Variants in ECE1 observed in about 807,000 individuals in gnomAD.
ECE1 encodes the protein endothelin converting enzyme 1.
In ECE1, 35 loss-of-function variants were observed where a neutral mutation model predicts 98.6. The observed-to-expected ratio is 0.35, with a 90% confidence interval of 0.27 to 0.47. ECE1 has a LOEUF of 0.47. Among genes scored for constraint, ECE1 ranks in the 20% least tolerant of loss-of-function variants. The pLI is 1.00. For synonymous variants in ECE1, 394 were observed against 407.1 expected, an observed-to-expected ratio of 0.97 and a Z score of 0.39; for missense variants, 814 against 1,025.3, an observed-to-expected ratio of 0.79 and a Z score of 2.81.
intron 8 of ECE1, among the ~76,000 whole-genome samples, chr1:21,248,254 T>TCTG (rs1181894820): frequency 1.3e-5 from 2 of 151,836 alleles, no homozygotes; most frequent in African/African-American, 2.4e-5. Context: ...CACTGTAACC[T>TCTG]CTGCCTCCAG....
chr1:21,257,578 C>A lies in ECE1; in HGVS notation c.775G>T (p.Gly259Cys). The A allele has an allele frequency of 1.2e-6, 2 of 1,614,260 alleles. No homozygotes were observed. Among genetic ancestry groups the A allele is most frequent in the East Asian group, 4.5e-5 (2 of 44,882 alleles). ...NSNVIQVDQS[G>C]LGLPSRDYYL... ...TAGTCTCTCGAGGGCAAGCCCAGGC[C>A]AGACTGGTCCACCTGGCAAGAGAAG... Residue 259 changes from glycine to cysteine, a missense_variant, in exon 7 of 19, where the codon GGC becomes TGC. Around this residue, in one of 3 missense-constraint regions of ECE1, gnomAD observed 105 missense variants for 179.1 expected, o/e 0.59. Transcript: ENST00000374893.
intron 1 of ECE1, among the ~76,000 whole-genome samples, chr1:21,295,639 G>A (rs566214539): frequency 4.6e-5 from 7 of 152,130 alleles, no homozygotes; most frequent in South Asian, 2.1e-4. Flanking sequence ...TCAGAAACTC[G>A]CCTATGGGCA....
chr1:21,327,113 C>T lies in ECE1; in HGVS notation c.3+18263G>A, dbSNP rs1378614998. Among the ~76,000 whole-genome samples the T allele has an allele frequency of 6.6e-6, 1 of 152,182 alleles. No homozygotes were observed. The highest frequency in any genetic ancestry group is 2.4e-5 in the African/African-American group (1 of 41,448). On this transcript the variant is annotated intron_variant, in intron 1 of 18. Coordinates refer to the ECE1 transcript ENST00000415912. The surrounding 1 kb of genome is among the most constrained non-coding windows in gnomAD (Gnocchi z 4.6). ...TGTAGATGCTTCAAAGCACCCCACT[C>T]CCTTGAAGCTGCCAGACTCTGCAGG... is the stretch of plus-strand genomic sequence containing the variant.
intron 9 of ECE1, 91 bp from the exon 10 acceptor site, chr1:21,245,194 C>T: frequency 8.5e-7 from 1 of 1,183,404 alleles, no homozygotes; most frequent in Non-Finnish European, 1.2e-6. Flanking sequence ...GGCTCTCAAA[C>T]TTGGCCTGTG....
At chr1:21,300,642 G>T (rs1020525489) in intron 1 of ECE1, among the ~76,000 whole-genome samples, 1 of 152,090 alleles carries the variant, frequency 6.6e-6, no homozygotes, top group Admixed American at 6.5e-5. Flanking sequence ...TGCCATGTTG[G>T]CCAGGCTGGT....
Position 21,258,042 on chromosome 1 carries a change from G to A in ECE1, c.763-452C>T, listed in dbSNP as rs1275550235. ...GATTCAAGAAGACAGTGCTGGTCAA[G>A]TGCCTGCCAAGCAGGAGGGGAGGGT... is the stretch of plus-strand genomic sequence containing the variant. On this transcript the variant is annotated intron_variant, in intron 6 of 18. Transcript: ENST00000374893. The surrounding 1 kb of genome is among the most constrained non-coding windows in gnomAD (Gnocchi z 4.2). Among the ~76,000 whole-genome samples, 2 of 152,212 alleles carry A rather than the reference G, an allele frequency of 1.3e-5. No individual in the cohort carries two copies. The highest frequency in any genetic ancestry group is 4.8e-5 in the African/African-American group (2 of 41,452).
chr1:21,291,812 G>A (rs1569679133), upstream of ECE1, among the ~76,000 whole-genome samples: 1 of 151,936 alleles, frequency 6.6e-6, no homozygotes, highest in South Asian at 2.1e-4. Context: ...GGGTGACAGA[G>A]TGAGACTCCA....
Position 21,233,071 on chromosome 1 carries a change from C to T in ECE1, c.1670+487G>A, listed in dbSNP as rs1427364792. The T allele has an allele frequency of 1.2e-5, 2 of 167,398 alleles. No homozygotes were observed. The highest frequency in any genetic ancestry group is 2.4e-5 in the African/African-American group (1 of 41,708). 10.4% of individuals were successfully genotyped at this position (167,398 alleles called of 1,614,324 possible). A position where few individuals can be genotyped will look rare whatever the true frequency, so the allele number is the denominator to read the frequency against. Reference sequence around the variant, plus strand: ...CTGTCAAGCCCATCCAGAACCTTCCCCAGGCCTCTGTGGGCTCCCTGTCCT... The same window carrying T: ...CTGTCAAGCCCATCCAGAACCTTCCTCAGGCCTCTGTGGGCTCCCTGTCCT... On this transcript the variant is annotated intron_variant, in intron 14 of 18. Transcript: ENST00000374893. The surrounding 1 kb of genome is among the most constrained non-coding windows in gnomAD (Gnocchi z 4.0).
intron 1 of ECE1, among the ~76,000 whole-genome samples, chr1:21,310,802 G>A (rs750193839): frequency 7.2e-5 from 11 of 152,112 alleles, no homozygotes; most frequent in South Asian, 2.1e-4. Flanking sequence ...TACTTTTGAC[G>A]AACGAAGAAA....
chr1:21,248,864 C>G (rs2098207995), intron 8 of ECE1, among the ~76,000 whole-genome samples: 1 of 151,542 alleles, frequency 6.6e-6, no homozygotes, highest in African/African-American at 2.4e-5. Flanking sequence ...ACCTCATGAT[C>G]TGCCTGCCTC....
chr1:21,316,460 G>C (rs962415117), intron 1 of ECE1, among the ~76,000 whole-genome samples: 10 of 152,020 alleles, frequency 6.6e-5, no homozygotes, highest in Admixed American at 5.2e-4. Flanking sequence ...TTTTAGTAGA[G>C]ATGGGGTTTC....
intron 1 of ECE1, among the ~76,000 whole-genome samples, chr1:21,329,856 T>C (rs1558435885): frequency 6.6e-6 from 1 of 152,138 alleles, no homozygotes; most frequent in Non-Finnish European, 1.5e-5. Flanking sequence ...AAGCAGGAAT[T>C]GGATGGGAAA....
intron 1 of ECE1, among the ~76,000 whole-genome samples, chr1:21,320,420 T>TTA (rs5772942): frequency 7.4e-6 from 1 of 135,650 alleles, no homozygotes; most frequent in African/African-American, 3.3e-5. Flanking sequence ...ATAAGCTTTT[T>TTA]AAAAAAAATT....
At chr1:21,293,988 A>C (rs1638279102), upstream of ECE1, 1 of 152,406 alleles carries the variant, frequency 6.6e-6, no homozygotes, top group Non-Finnish European at 1.5e-5. Flanking sequence ...GAGATGACCA[A>C]GGGTCAGAGA....
intron 3 of ECE1, among the ~76,000 whole-genome samples, chr1:21,273,346 CGTGTGTGTGT>C (rs60168069): frequency 9.5e-4 from 126 of 133,156 alleles, no homozygotes; most frequent in African/African-American, 2.8e-3. Context: ...TGCGTGTGTG[CGTGTGTGTGT>C]GTGTGTGTGT....
chr1:21,266,624 C>T (rs212540), intron 4 of ECE1: 103,705 of 152,138 alleles, frequency 0.68, 36,333 homozygotes, highest in East Asian at 0.9. Context: ...GCAGAGCTAG[C>T]GGGTAGCATG....
intron 4 of ECE1, among the ~76,000 whole-genome samples, chr1:21,265,279 C>A (rs1274194902): frequency 1.3e-5 from 2 of 152,166 alleles, no homozygotes; most frequent in Non-Finnish European, 2.9e-5. Flanking sequence ...TGTCTGTAAT[C>A]CCAGCACTTT....
intron 1 of ECE1, chr1:21,299,063 G>T: frequency 2.8e-6 from 1 of 354,124 alleles, no homozygotes; most frequent in South Asian, 2.1e-5. Context: ...CTCTGACAAT[G>T]TGCTGATCTA....
Position 21,345,340 on chromosome 1 carries a change from G to A in ECE1, c.3+36C>T, listed in dbSNP as rs1211428629. On this transcript the variant is annotated intron_variant, in intron 1 of 18. Transcript: ENST00000415912. This position sits in a 1 kb window ranked among gnomAD's most constrained non-coding sequence, Gnocchi z 5.1. The stretch of plus-strand genomic sequence containing the variant: ...CGCTGCCCGCGACCGTCGAGGCTGG[G>A]CTGGACCGGACCAGACCTCCGCGCG... The A allele has an allele frequency of 8.8e-6, 12 of 1,361,716 alleles. No individual in the cohort carries two copies. The highest frequency in any genetic ancestry group is 2.6e-5 in the Admixed American group (1 of 38,614). The allele number at this position is 1,361,716 out of a possible 1,614,324, so 84.4% of individuals were successfully genotyped here. A position where few individuals can be genotyped will look rare whatever the true frequency, so the allele number is the denominator to read the frequency against.
Sources: gnomAD v4.1 joint callset for allele counts (sites outside exome capture counted in the v4.1 genomes callset) on GRCh38, gnomAD v4.1.1 for gene constraint, gnomAD v4.1.1 regional missense constraint, Gnocchi (gnomAD v3.1) non-coding constraint, MANE v1.5 for transcripts, NCBI Gene and HGNC (gene_info 2026-07-23, HGNC 2026-07-21) for gene names.